The following C17orf67 variants were observed in gnomAD, a reference collection of about 807,000 sequenced individuals.
C17orf67 encodes the protein uncharacterized protein C17orf67.
A neutral mutation model predicts 11.2 loss-of-function variants in C17orf67; 12 were observed. The ratio of observed to expected loss-of-function variants is 1.07; its 90% confidence interval spans 0.68 to 1.73. C17orf67 has a LOEUF of 1.73. C17orf67 is among the 40% of genes most tolerant of loss of function. C17orf67 has a pLI of 0.00. For synonymous variants in C17orf67, 59 were observed against 46.9 expected (o/e 1.26, Z -1.05); for missense variants, 115 against 113.5 (o/e 1.01, Z -0.06).
intron 2 of C17orf67, among the ~76,000 whole-genome samples, chr17:56,832,181 C>A (rs1020858528): frequency 6.6e-6 from 1 of 152,108 alleles, no homozygotes; most frequent in African/African-American, 2.4e-5. Context: ...TTCCTGACCC[C>A]GTGATGCACC....
chr17:56,808,005 G>C (rs895843934), intron 6 of C17orf67, among the ~76,000 whole-genome samples: 1 of 152,144 alleles, frequency 6.6e-6, no homozygotes, highest in Non-Finnish European at 1.5e-5. Flanking sequence ...AAGCAAATTA[G>C]TTCCAGCCTT....
At chr17:56,812,225 A>G (rs1340650360) in intron 6 of C17orf67, among the ~76,000 whole-genome samples, 1 of 152,242 alleles carries the variant, frequency 6.6e-6, no homozygotes, top group Non-Finnish European at 1.5e-5. Context: ...TTACTTGGCA[A>G]TGTGTAGACT....
Position 56,819,809 on chromosome 17 carries a change from G to A in C17orf67, c.-200-3799C>T, listed in dbSNP as rs559237039. ...CGGGGTAACGAGGTGAGTCGGCAAG[G>A]CTCCCAGTAGAAGACGCAATTCCCA... On this transcript the variant is annotated intron_variant, in intron 4 of 7. Coordinates refer to ENST00000397861, the MANE Select transcript of C17orf67 (RefSeq NM_001085430.4). 3.3e-5 allele frequency among the ~76,000 whole-genome samples: 5 copies of A among 152,300 alleles called. No individual in the cohort carries two copies. In the South Asian group the frequency reaches 8.3e-4, roughly 25 times the overall value.
intron 6 of C17orf67, among the ~76,000 whole-genome samples, chr17:56,813,638 GCAGCCATTTGCTTA>G (rs1555592675): frequency 6.6e-6 from 1 of 151,632 alleles, no homozygotes; most frequent in Non-Finnish European, 1.5e-5. Context: ...ATACTGCATA[GCAGCCATTTGCTTA>G]CTTCTGTCTC....
intron 7 of C17orf67, among the ~76,000 whole-genome samples, chr17:56,793,609 A>C (rs1905157823): frequency 6.6e-6 from 1 of 152,212 alleles, no homozygotes; most frequent in Non-Finnish European, 1.5e-5. Context: ...ACCCCAACTT[A>C]CAGAGGCAGA....
At chr17:56,805,385 G>C (rs1028885251) in intron 6 of C17orf67, among the ~76,000 whole-genome samples, 1 of 152,030 alleles carries the variant, frequency 6.6e-6, no homozygotes, top group African/African-American at 2.4e-5. Context: ...ATGGCACTAA[G>C]TTGCCTATAC....
At chr17:56,796,713 G>A (rs1180769734) in intron 6 of C17orf67, among the ~76,000 whole-genome samples, 2 of 152,034 alleles carry the variant, frequency 1.3e-5, no homozygotes, top group Non-Finnish European at 2.9e-5. Flanking sequence ...CCTCGTCTCT[G>A]CCACTTCCCT....
intron 6 of C17orf67, among the ~76,000 whole-genome samples, chr17:56,809,820 TCA>T (rs138996246): frequency 2.0e-5 from 2 of 102,202 alleles, no homozygotes; most frequent in African/African-American, 4.0e-5. Flanking sequence ...ACATACACCC[TCA>T]CACACTCACA....
chr17:56,795,077 A>G lies in C17orf67; in HGVS notation c.260T>C (p.Ile87Thr). ...GTCCTGATCCCCTTACACAGGATGA[A>G]TCCTGTTCCTGTCACAGTGGGGTTT... ...HCKPHCDRNRIHPV is the reference protein window; with the variant it reads ...HCKPHCDRNRTHPV Residue 87 changes from isoleucine (I) to threonine (T), a missense_variant, in exon 7 of 8, where the codon ATT (isoleucine) becomes ACT (threonine). Ile to Thr is a moderately conservative substitution (Grantham distance 89, BLOSUM62 -1). Coordinates refer to ENST00000397861, the MANE Select transcript of C17orf67 (RefSeq NM_001085430.4). 1 of 1,613,976 alleles carries G rather than the reference A, an allele frequency of 6.2e-7. No individual in the cohort carries two copies. Among genetic ancestry groups the G allele is most frequent in the Admixed American group, 1.7e-5 (1 of 60,012 alleles).
At chr17:56,826,685 G>A (rs1372755255) in intron 2 of C17orf67, among the ~76,000 whole-genome samples, 2 of 152,176 alleles carry the variant, frequency 1.3e-5, no homozygotes, top group East Asian at 1.9e-4. Flanking sequence ...AGATTCCCAG[G>A]GCAAGGTTCT....
Position 56,799,011 on chromosome 17 carries a change from G to A in C17orf67, c.157-3831C>T, listed in dbSNP as rs547435109. On this transcript the variant is annotated intron_variant, in intron 6 of 7. Transcript: ENST00000397861. ...GGTGCCAGGCTCTTTGCAGAAATCCGTTCTCATGGGAACTAAGAGTGAAAA... is the reference window on the plus strand; with the variant it reads ...GGTGCCAGGCTCTTTGCAGAAATCCATTCTCATGGGAACTAAGAGTGAAAA... 6.6e-5 allele frequency among the ~76,000 whole-genome samples: 10 copies of A among 152,210 alleles called. No homozygotes were observed. In the South Asian group the frequency reaches 8.3e-4, roughly 13 times the overall value.
chr17:56,808,248 C>A (rs376776603), intron 6 of C17orf67, among the ~76,000 whole-genome samples: 1 of 152,180 alleles, frequency 6.6e-6, no homozygotes, highest in African/African-American at 2.4e-5. Context: ...CTGTATGTAG[C>A]GGACTTGTCC....
At chr17:56,825,549 T>G (rs1375902883) in intron 2 of C17orf67, among the ~76,000 whole-genome samples, 1 of 152,204 alleles carries the variant, frequency 6.6e-6, no homozygotes, top group Non-Finnish European at 1.5e-5. Flanking sequence ...CTTAAACTTT[T>G]CAAATTCTTT....
In C17orf67 at chr17:56,833,112, G is replaced by C. The variant is rs1206247635; in HGVS notation, c.-771C>G. 6.6e-6 allele frequency: 1 copy of C among 152,258 alleles called. No homozygotes were observed. Among genetic ancestry groups the C allele is most frequent in the African/African-American group, 2.4e-5 (1 of 41,460 alleles). The allele number at this position is 152,258 out of a possible 1,614,324, so 9.4% of individuals were successfully genotyped here. A position where few individuals can be genotyped will look rare whatever the true frequency, so the allele number is the denominator to read the frequency against. On this transcript the variant is annotated 5_prime_UTR_variant, in exon 2 of 8. Transcript: ENST00000397861. ...AGTGGTCCTCGGCTCCCACTCCTAT[G>C]TATGTATGTAGTAGGAAGGAAGCCG...
chr17:56,813,018 A>G (rs1193862767), intron 6 of C17orf67, among the ~76,000 whole-genome samples: 1 of 152,190 alleles, frequency 6.6e-6, no homozygotes, highest in Non-Finnish European at 1.5e-5. Context: ...CCAGGTGCAG[A>G]TGCTGGCACA....
intron 4 of C17orf67, among the ~76,000 whole-genome samples, chr17:56,819,601 C>T (rs1023727025): frequency 3.9e-5 from 6 of 152,108 alleles, no homozygotes; most frequent in African/African-American, 1.4e-4. Context: ...GAGGGCCGTT[C>T]AGGTGTGATA....
At chr17:56,825,496 T>G (rs1240143993) in intron 2 of C17orf67, among the ~76,000 whole-genome samples, 175 bp from the exon 3 acceptor site, 1 of 152,240 alleles carries the variant, frequency 6.6e-6, no homozygotes, top group Non-Finnish European at 1.5e-5. Context: ...AAAAATTTAC[T>G]TAGCAAAGAG....
intron 6 of C17orf67, among the ~76,000 whole-genome samples, chr17:56,809,820 TCACA>T (rs138996246): frequency 0.15 from 14,986 of 102,112 alleles, 944 homozygotes; most frequent in South Asian, 0.2. Flanking sequence ...ACATACACCC[TCACA>T]CACTCACACA....
At chr17:56,804,211 A>G (rs1905392174) in intron 6 of C17orf67, 3 of 152,208 alleles carry the variant, frequency 2.0e-5, no homozygotes, top group South Asian at 2.1e-4. Flanking sequence ...GTCCTTTATT[A>G]TGGCTCTGGA....
Sources: allele counts gnomAD v4.1 joint callset (sites outside exome capture counted in the v4.1 genomes callset), GRCh38; gene constraint gnomAD v4.1.1; transcripts MANE v1.5; gene names NCBI Gene and HGNC (gene_info 2026-07-23, HGNC 2026-07-21).